The following WBP11 variants were observed in gnomAD, a reference collection of about 807,000 sequenced individuals.
The protein encoded by WBP11 is WW domain-binding protein 11.
Under a neutral mutation model 66.7 loss-of-function variants are expected in WBP11, and 12 were observed. The ratio of observed to expected loss-of-function variants is 0.18; its 90% CI spans 0.12 to 0.29. WBP11 has a LOEUF of 0.29. Among genes scored for constraint, WBP11 ranks in the 10% least tolerant of loss-of-function variants. WBP11 has a pLI of 1.00. For missense variants in WBP11, 555 were observed against 818.3 expected, an observed-to-expected ratio of 0.68 and a Z score of 3.93; for synonymous variants, 255 against 273.8, an observed-to-expected ratio of 0.93 and a Z score of 0.68.
At chr12:14,794,487 C>T in intron 7 of WBP11, 50 bp downstream of exon 7, 1 of 1,597,260 alleles carries the variant, frequency 6.3e-7, no homozygotes, top group South Asian at 1.1e-5. Flanking sequence ...TTAAACAGGG[C>T]CAACATAAAA....
intron 4 of WBP11, 35 bp downstream of exon 4, chr12:14,799,600 C>A: frequency 6.2e-7 from 1 of 1,600,500 alleles, no homozygotes; most frequent in South Asian, 1.1e-5. Flanking sequence ...CTGTACGTGT[C>A]AGACTGTTAT....
chr12:14,789,982 A>G (rs6488713), intron 10 of WBP11, among the ~76,000 whole-genome samples: 66,786 of 151,990 alleles, frequency 0.44, 15,304 homozygotes, highest in African/African-American at 0.58. Flanking sequence ...ATACTTTCAA[A>G]CTGAACACTT....
chr12:14,791,151 A>AT lies in WBP11; in HGVS notation c.1015+17dup, dbSNP rs747353210. Reference sequence around the variant, plus strand: ...AGGATACACCAAAAGGTGATTCACTATTTTTTCCCTGCCTCACCTGCCATA... The same window carrying AT: ...AGGATACACCAAAAGGTGATTCACTATTTTTTTCCCTGCCTCACCTGCCATA... On this transcript the variant is annotated intron_variant, in intron 9 of 11. Transcript: ENST00000261167. 2.5e-6 allele frequency: 4 copies of AT among 1,611,438 alleles called. No individual in the cohort carries two copies. The South Asian group carries it at 4.4e-5, about 18-fold the overall frequency.
At chr12:14,795,599 G>A (rs1056405973) in intron 5 of WBP11, among the ~76,000 whole-genome samples, 6 of 152,110 alleles carry the variant, frequency 3.9e-5, no homozygotes, top group South Asian at 2.1e-4. Flanking sequence ...TTGTGGTGGC[G>A]TGTGCCTGTA....
At chr12:14,788,546 G>A (rs2137228385) in intron 11 of WBP11, among the ~76,000 whole-genome samples, 1 of 152,144 alleles carries the variant, frequency 6.6e-6, no homozygotes, top group Non-Finnish European at 1.5e-5. Context: ...ACATTTCAGT[G>A]TTGTAAACTA....
intron 7 of WBP11, 84 bp from the exon 8 acceptor site, chr12:14,794,006 A>T: frequency 2.3e-6 from 2 of 887,944 alleles, no homozygotes; most frequent in Non-Finnish European, 3.2e-6. Flanking sequence ...AAATTATGCT[A>T]TTCAACTCAG....
In WBP11 at chr12:14,790,623, T is replaced by C. The variant is rs1949811000; in HGVS notation, c.1142A>G (p.Asp381Gly). Residue 381 changes from aspartate to glycine, a missense_variant, in exon 10 of 12, where the codon GAT (aspartate) becomes GGT (glycine). Transcript: ENST00000261167. ...QKQHKEESHS[D>G]GTSTASSQQQ... Reference sequence around the variant, plus strand: ...CTGTGAAGAAGCAGTGGATGTGCCATCAGAATGGGATTCCTCTTTATGCTG... The same window carrying C: ...CTGTGAAGAAGCAGTGGATGTGCCACCAGAATGGGATTCCTCTTTATGCTG... 6.2e-7 allele frequency: 1 copy of C among 1,613,990 alleles called. No individual in the cohort carries two copies. Among genetic ancestry groups the C allele is most frequent in the Non-Finnish European group, 8.5e-7 (1 of 1,179,954 alleles).
rs770290284 is a variant in WBP11 at position 14,801,414 on chromosome 12, T to TA, written c.-32dup. 2 of 1,604,146 alleles carry TA rather than the reference T, an allele frequency of 1.2e-6. No individual in the cohort carries two copies. Among genetic ancestry groups the TA allele is most frequent in the Non-Finnish European group, 1.7e-6 (2 of 1,174,590 alleles). The stretch of plus-strand genomic sequence containing the variant: ...CAATTTGTATGGTTTACTTGTTCAT[T>TA]AAAAAAAGAAAAACCTGTGAAGGTG... On this transcript the variant is annotated 5_prime_UTR_variant, in exon 2 of 12. Coordinates refer to ENST00000261167, the MANE Select transcript of WBP11 (RefSeq NM_016312.3).
chr12:14,792,849 A>G (rs574535184), intron 8 of WBP11, among the ~76,000 whole-genome samples: 9 of 151,898 alleles, frequency 5.9e-5, no homozygotes, highest in Admixed American at 2.6e-4. Flanking sequence ...AAAAAAGGAA[A>G]AAAAGAAAAA....
chr12:14,793,965 C>G, intron 7 of WBP11, 43 bp from the exon 8 acceptor site: 2 of 1,506,554 alleles, frequency 1.3e-6, no homozygotes, highest in Non-Finnish European at 1.8e-6. Flanking sequence ...TATGATTGGA[C>G]CCTCCACTAC....
At chr12:14,791,141 G>C in intron 9 of WBP11, 28 bp downstream of exon 9, 8 of 1,602,320 alleles carry the variant, frequency 5.0e-6, no homozygotes, top group Non-Finnish European at 6.8e-6. Context: ...ACACCAAAAG[G>C]TGATTCACTA....
In WBP11 at chr12:14,790,699, C is replaced by T. The variant is rs137956727; in HGVS notation, c.1066G>A (p.Asp356Asn). The T allele has an allele frequency of 2.8e-5, 46 of 1,614,054 alleles. No homozygotes were observed. The highest frequency in any genetic ancestry group is 2.0e-4 in the Admixed American group (12 of 60,006). Residue 356 changes from aspartate to asparagine, a missense_variant, in exon 10 of 12, where the codon GAT becomes AAT. By Grantham distance (23) the Asp-to-Asn change is conservative (BLOSUM62 1). Coordinates refer to ENST00000261167, the MANE Select transcript of WBP11 (RefSeq NM_016312.3). Reference sequence around the variant, plus strand: ...GAGTCATCAGAATCATCTTCATCATCGTCCTCTGAAAATTCCTCTACTTCC... The same window carrying T: ...GAGTCATCAGAATCATCTTCATCATTGTCCTCTGAAAATTCCTCTACTTCC... ...GREVEEFSED[D>N]DEDDSDDSEA... is the part of the protein sequence containing the mutation.
chr12:14,799,765 G>A, intron 3 of WBP11, 37 bp from the exon 4 acceptor site: 3 of 1,583,002 alleles, frequency 1.9e-6, no homozygotes, highest in Non-Finnish European at 2.6e-6. Context: ...AAGAAGTCAG[G>A]CACTCAGGAG....
intron 9 of WBP11, 62 bp from the exon 10 acceptor site, chr12:14,790,811 G>A: frequency 1.4e-6 from 2 of 1,472,958 alleles, no homozygotes; most frequent in Non-Finnish European, 1.8e-6. Context: ...TTGGAGAACA[G>A]CAATGACTGA....
At chr12:14,794,008 T>A in intron 7 of WBP11, 86 bp from the exon 8 acceptor site, 1 of 866,448 alleles carries the variant, frequency 1.2e-6, no homozygotes, top group Non-Finnish European at 1.6e-6. Flanking sequence ...ATTATGCTAT[T>A]CAACTCAGAC....
At position 14,786,909 on chromosome 12, in the gene WBP11, T is replaced by C; in HGVS notation, c.*156A>G. ...ATGAAATACCCTTTTTTATGTGCAG[T>C]AAATTCTGAACAAGGCTAAATTTTA... On this transcript the variant is annotated 3_prime_UTR_variant, in exon 12 of 12. Coordinates refer to ENST00000261167, the MANE Select transcript of WBP11 (RefSeq NM_016312.3). The C allele has an allele frequency of 2.6e-6, 2 of 772,292 alleles. No homozygotes were observed. The highest frequency in any genetic ancestry group is 4.0e-6 in the Non-Finnish European group (2 of 496,238). 47.8% of individuals were successfully genotyped at this position (772,292 alleles called of 1,614,324 possible).
At chr12:14,797,727 G>A (rs999554336) in intron 4 of WBP11, among the ~76,000 whole-genome samples, 6 of 152,220 alleles carry the variant, frequency 3.9e-5, no homozygotes, top group African/African-American at 1.4e-4. Flanking sequence ...GTAGATGTGA[G>A]AGAGATAAGC....
At chr12:14,802,532 A>G (rs750033016) in intron 1 of WBP11, among the ~76,000 whole-genome samples, 9 of 152,214 alleles carry the variant, frequency 5.9e-5, no homozygotes, top group Admixed American at 1.3e-4. Context: ...GGGGACATCA[A>G]TTACTTTATA....
At chr12:14,793,965 C>A in intron 7 of WBP11, 43 bp from the exon 8 acceptor site, 1 of 1,506,552 alleles carries the variant, frequency 6.6e-7, no homozygotes, top group Non-Finnish European at 9.0e-7. Flanking sequence ...TATGATTGGA[C>A]CCTCCACTAC....
Sources: gnomAD v4.1 joint callset for allele counts (sites outside exome capture counted in the v4.1 genomes callset) on GRCh38, gnomAD v4.1.1 for gene constraint, MANE v1.5 for transcripts, NCBI Gene and HGNC (gene_info 2026-07-23, HGNC 2026-07-21) for gene names.